The following ZNF587B variants were observed in gnomAD, a reference collection of about 807,000 sequenced individuals.
ZNF587B encodes zinc finger protein 587B.
Under a neutral mutation model 7.2 loss-of-function variants are expected in ZNF587B, and 6 were observed. The ratio of observed to expected loss-of-function variants is 0.83; its 90% CI spans 0.46 to 1.65. ZNF587B has a LOEUF of 1.65. Ranked by LOEUF, ZNF587B falls within the 40% of genes most tolerant of loss-of-function variation. The pLI is 0.01. For synonymous variants in ZNF587B, 274 were observed against 254.3 expected (o/e 1.08, Z -0.74); for missense variants, 749 against 761.0 (o/e 0.98, Z 0.19).
intron 2 of ZNF587B, 21 bp downstream of exon 2, chr19:57,839,170 C>T (rs2122232315): frequency 1.2e-6 from 2 of 1,613,628 alleles, no homozygotes; most frequent in South Asian, 2.2e-5. Flanking sequence ...CACACTCACC[C>T]TGTGACTTGA....
At chr19:57,830,718 T>C (rs912059331) in intron 1 of ZNF587B, among the ~76,000 whole-genome samples, 154 bp downstream of exon 1, 1 of 135,152 alleles carries the variant, frequency 7.4e-6, no homozygotes, top group Non-Finnish European at 1.6e-5. Flanking sequence ...TTTGAGCTGC[T>C]GAAGGCCTAA....
intron 1 of ZNF587B, 58 bp downstream of exon 1, chr19:57,830,622 G>C (rs1460923947): frequency 6.5e-7 from 1 of 1,536,450 alleles, no homozygotes; most frequent in Non-Finnish European, 8.8e-7. Flanking sequence ...AAAGCCTGTA[G>C]TCTTGCAAGG....
chr19:57,842,543 C>T lies in ZNF587B; in HGVS notation c.1869C>T (p.Tyr623=). The change falls in exon 3 of 3, where the codon TAC becomes TAT. Residue 623 remains tyrosine (Y), a synonymous_variant. Coordinates refer to ENST00000594901, the MANE Select transcript of ZNF587B (RefSeq NM_001376223.1). Reference sequence around the variant, plus strand: ...TTAGGAAAAGCTCTTCACTTCGTTACCATCAGAGAGTTCATGAAAGAAAGG... The same window carrying T: ...TTAGGAAAAGCTCTTCACTTCGTTATCATCAGAGAGTTCATGAAAGAAAGG... The part of the protein sequence containing the change: ...KKFRKSSSLR[Y]HQRVHERKAL 2 of 1,537,308 alleles carry T rather than the reference C, an allele frequency of 1.3e-6. No homozygotes were observed. The highest frequency in any genetic ancestry group is 1.7e-6 in the Non-Finnish European group (2 of 1,149,852).
chr19:57,830,992 G>C (rs1214181629), intron 1 of ZNF587B, among the ~76,000 whole-genome samples: 1 of 146,402 alleles, frequency 6.8e-6, no homozygotes, highest in African/African-American at 2.8e-5. Context: ...TTACAGGAAA[G>C]TAAACAGTTC....
In ZNF587B at chr19:57,842,542, A is replaced by G; in HGVS notation, c.1868A>G (p.Tyr623Cys). 6.5e-7 allele frequency: 1 copy of G among 1,538,030 alleles called. No homozygotes were observed. The highest frequency in any genetic ancestry group is 1.8e-4 in the Middle Eastern group (1 of 5,706). Reference sequence around the variant, plus strand: ...TTTAGGAAAAGCTCTTCACTTCGTTACCATCAGAGAGTTCATGAAAGAAAG... The same window carrying G: ...TTTAGGAAAAGCTCTTCACTTCGTTGCCATCAGAGAGTTCATGAAAGAAAG... ...KKFRKSSSLR[Y>C]HQRVHERKAL Residue 623 changes from tyrosine (Y) to cysteine (C), a missense_variant, in exon 3 of 3, where the codon TAC becomes TGC. By Grantham distance (194) the Tyr-to-Cys change is radical. Around this residue, in one of 3 missense-constraint regions of ZNF587B, gnomAD observed 656 missense variants for 596.5 expected, o/e 1.10. Transcript: ENST00000594901.
At chr19:57,839,189 C>T in intron 2 of ZNF587B, 40 bp downstream of exon 2, 2 of 1,608,698 alleles carry the variant, frequency 1.2e-6, no homozygotes, top group South Asian at 2.2e-5. Context: ...GAGCTAGTCT[C>T]TGTTTTCCCC....
intron 1 of ZNF587B, among the ~76,000 whole-genome samples, chr19:57,837,343 G>A (rs558455919): frequency 1.3e-5 from 2 of 151,348 alleles, no homozygotes; most frequent in Non-Finnish European, 2.9e-5. Context: ...TGCAACCTTC[G>A]CCTCCCTGGT....
At position 57,841,650 on chromosome 19, in the gene ZNF587B, T is replaced by C; in HGVS notation, c.976T>C (p.Tyr326His). The change falls in exon 3 of 3, where the codon TAT (tyrosine) becomes CAT (histidine). Residue 326 changes from tyrosine (Y) to histidine (H), a missense_variant. Transcript: ENST00000594901. ...AAAAGTTCACGCTGGAAAAGGGCCT[T>C]ATGAGTGTGGAGAATGTGGGAAATC... Reference protein sequence around the residue: ...HQKVHAGKGPYECGECGKSFS... With the variant: ...HQKVHAGKGPHECGECGKSFS... 1.2e-6 allele frequency: 2 copies of C among 1,602,166 alleles called. No homozygotes were observed. The highest frequency in any genetic ancestry group is 4.5e-5 in the East Asian group (2 of 44,414).
intron 1 of ZNF587B, among the ~76,000 whole-genome samples, chr19:57,832,766 A>G (rs1433543996): frequency 6.6e-6 from 1 of 152,260 alleles, no homozygotes; most frequent in Non-Finnish European, 1.5e-5. Context: ...GGAACCCCAC[A>G]CTCAGTAATG....
At chr19:57,835,340 G>A (rs1463348887) in intron 1 of ZNF587B, among the ~76,000 whole-genome samples, 3 of 126,154 alleles carry the variant, frequency 2.4e-5, no homozygotes, top group African/African-American at 9.3e-5. Context: ...CAGGTATGAC[G>A]CTGGGGGTTT....
chr19:57,835,553 T>G (rs906924544), intron 1 of ZNF587B, among the ~76,000 whole-genome samples: 2 of 131,802 alleles, frequency 1.5e-5, no homozygotes, highest in African/African-American at 5.9e-5. Context: ...AGAGACAGAG[T>G]TTTTCACCGT....
chr19:57,837,448 T>G (rs1988663299), intron 1 of ZNF587B, among the ~76,000 whole-genome samples: 1 of 151,112 alleles, frequency 6.6e-6, no homozygotes, highest in African/African-American at 2.4e-5. Flanking sequence ...TGTTTTTTTT[T>G]TTTGGTTTGG....
At position 57,841,888 on chromosome 19, in the gene ZNF587B, C is replaced by T. The variant is rs781258408; in HGVS notation, c.1214C>T (p.Thr405Ile). 4 of 1,613,850 alleles carry T rather than the reference C, an allele frequency of 2.5e-6. No individual in the cohort carries two copies. Among genetic ancestry groups the T allele is most frequent in the Non-Finnish European group, 3.4e-6 (4 of 1,179,950 alleles). Reference protein sequence around the residue: ...GHLRIHQRMHTGERPYKCGDC... With the variant: ...GHLRIHQRMHIGERPYKCGDC... Reference sequence around the variant, plus strand: ...CTTAGGATCCATCAGCGCATGCACACTGGAGAAAGACCTTACAAGTGTGGA... The same window carrying T: ...CTTAGGATCCATCAGCGCATGCACATTGGAGAAAGACCTTACAAGTGTGGA... Residue 405 changes from threonine to isoleucine, a missense_variant, in exon 3 of 3, where the codon ACT becomes ATT. Around this residue, in one of 3 missense-constraint regions of ZNF587B, gnomAD observed 656 missense variants for 596.5 expected, o/e 1.10. Transcript: ENST00000594901.
rs1287599283 is a variant in ZNF587B, at chr19:57,842,857, C to A, written c.*281C>A. ...TCCAGAAGTCTGGCTTCAAAACTCA[C>A]AGGAGAGCTGTCACTACGGAAATGC... On this transcript the variant is annotated 3_prime_UTR_variant, in exon 3 of 3. Coordinates refer to ENST00000594901, the MANE Select transcript of ZNF587B (RefSeq NM_001376223.1). 8.1e-6 allele frequency: 8 copies of A among 985,288 alleles called. No individual in the cohort carries two copies. Among genetic ancestry groups the A allele is most frequent in the Admixed American group, 6.2e-5 (1 of 16,238 alleles). The allele number at this position is 985,288 out of a possible 1,614,324, so 61.0% of individuals were successfully genotyped here.
Position 57,842,526 on chromosome 19 carries a change from A to T in ZNF587B, c.1852A>T (p.Ser618Cys). 1 of 1,553,836 alleles carries T rather than the reference A, an allele frequency of 6.4e-7. No individual in the cohort carries two copies. The stretch of plus-strand genomic sequence containing the variant: ...TGAATGTGAAAAAAAATTTAGGAAA[A>T]GCTCTTCACTTCGTTACCATCAGAG... ...CSECEKKFRK[S>C]SSLRYHQRVH... The change falls in exon 3 of 3, where the codon AGC becomes TGC. Residue 618 changes from serine (S) to cysteine (C), a missense_variant. Transcript: ENST00000594901.
intron 2 of ZNF587B, among the ~76,000 whole-genome samples, chr19:57,840,223 T>C (rs989968456): frequency 6.6e-6 from 1 of 151,972 alleles, no homozygotes; most frequent in African/African-American, 2.4e-5. Flanking sequence ...ACATAATTTG[T>C]CTTTTCTTCC....
chr19:57,832,661 AGTCTGGGC>A (rs1988463134), intron 1 of ZNF587B, among the ~76,000 whole-genome samples: 1 of 152,254 alleles, frequency 6.6e-6, no homozygotes, highest in Admixed American at 6.5e-5. Context: ...TGGTCTTCAC[AGTCTGGGC>A]TCATTTGTAC....
intron 1 of ZNF587B, among the ~76,000 whole-genome samples, chr19:57,831,948 C>G (rs766279643): frequency 6.6e-6 from 1 of 151,924 alleles, no homozygotes; most frequent in Non-Finnish European, 1.5e-5. Flanking sequence ...TCAGGCAATA[C>G]GCTCGCCTCG....
intron 2 of ZNF587B, among the ~76,000 whole-genome samples, chr19:57,839,794 C>T: frequency 6.6e-6 from 1 of 151,968 alleles, no homozygotes; most frequent in South Asian, 2.1e-4. Flanking sequence ...AAGAGTGGCA[C>T]CCTGGGCTGG....
Sources: gnomAD v4.1 joint callset for allele counts (sites outside exome capture counted in the v4.1 genomes callset) on GRCh38, gnomAD v4.1.1 for gene constraint, gnomAD v4.1.1 regional missense constraint, MANE v1.5 for transcripts, NCBI Gene and HGNC (gene_info 2026-07-23, HGNC 2026-07-21) for gene names.